The following FAM114A1 variants were observed in gnomAD, a reference collection of about 807,000 sequenced individuals.
The protein encoded by FAM114A1 is protein NOXP20.
A neutral mutation model predicts 64.3 loss-of-function variants in FAM114A1; 62 were observed. The observed-to-expected ratio is 0.96, with a 90% CI of 0.79 to 1.19. FAM114A1 has a LOEUF of 1.19. FAM114A1 is among the 50% of genes most tolerant of loss of function. The pLI is 0.00. For synonymous variants in FAM114A1, 254 were observed against 251.1 expected, an observed-to-expected ratio of 1.01 and a Z score of -0.11; for missense variants, 645 against 676.3, an observed-to-expected ratio of 0.95 and a Z score of 0.51.
intron 6 of FAM114A1, among the ~76,000 whole-genome samples, chr4:38,907,752 C>A (rs1042677757): frequency 2.6e-5 from 4 of 151,794 alleles, no homozygotes; most frequent in Non-Finnish European, 5.9e-5. Context: ...TAATAAAATA[C>A]AATTTATATC....
chr4:38,926,202 C>G (rs916224696), intron 9 of FAM114A1, among the ~76,000 whole-genome samples: 3 of 152,218 alleles, frequency 2.0e-5, no homozygotes, highest in Non-Finnish European at 4.4e-5. Flanking sequence ...ACAGAACTAC[C>G]AGATGCAGGA....
At chr4:38,879,132 A>G (rs1285429864) in intron 3 of FAM114A1, among the ~76,000 whole-genome samples, 1 of 152,106 alleles carries the variant, frequency 6.6e-6, no homozygotes, top group African/African-American at 2.4e-5. Flanking sequence ...TTTCACCTCC[A>G]GCCATGTGGG....
At chr4:38,869,063 A>G (rs1482115042) in intron 2 of FAM114A1, among the ~76,000 whole-genome samples, 1 of 152,246 alleles carries the variant, frequency 6.6e-6, no homozygotes, top group Non-Finnish European at 1.5e-5. Context: ...GACCAGGCTT[A>G]CATCAAACAT....
chr4:38,905,090 C>T (rs1207724548), intron 4 of FAM114A1, among the ~76,000 whole-genome samples: 1 of 152,110 alleles, frequency 6.6e-6, no homozygotes, highest in African/African-American at 2.4e-5. Context: ...ATTCCTCTTT[C>T]TTTCAATCAG....
chr4:38,900,357 A>C (rs1579335094), intron 4 of FAM114A1, among the ~76,000 whole-genome samples: 2 of 152,104 alleles, frequency 1.3e-5, no homozygotes, highest in Non-Finnish European at 2.9e-5. Context: ...AAAACTAAAA[A>C]CAGAATTACC....
At chr4:38,935,593 G>C in intron 12 of FAM114A1, 125 bp from the exon 13 acceptor site, 1 of 603,668 alleles carries the variant, frequency 1.7e-6, no homozygotes. Flanking sequence ...TTTCTGTAGA[G>C]CATCTTCAAG....
At chr4:38,912,747 A>G (rs1718679106) in intron 7 of FAM114A1, among the ~76,000 whole-genome samples, 2 of 152,110 alleles carry the variant, frequency 1.3e-5, no homozygotes, top group African/African-American at 2.4e-5. Flanking sequence ...CTTCAATTTC[A>G]TCCCTTCTTT....
At chr4:38,873,709 G>A (rs536841273) in intron 2 of FAM114A1, among the ~76,000 whole-genome samples, 1 of 152,320 alleles carries the variant, frequency 6.6e-6, no homozygotes, top group South Asian at 2.1e-4. Context: ...GCCCCCGAGG[G>A]TCTCTTGTGG....
chr4:38,893,703 C>A (rs1046896093), intron 4 of FAM114A1, among the ~76,000 whole-genome samples: 48 of 152,224 alleles, frequency 3.2e-4, no homozygotes, highest in Admixed American at 1.2e-3. Context: ...CATGAACTGA[C>A]AGCTCTCCCA....
At position 38,880,611 on chromosome 4, in the gene FAM114A1, T is replaced by A. The variant is rs534324370; in HGVS notation, c.348+2185T>A. 5.9e-5 allele frequency among the ~76,000 whole-genome samples: 9 copies of A among 152,260 alleles called. No individual in the cohort carries two copies. In the East Asian group the frequency reaches 1.7e-3, roughly 29 times the overall value. On this transcript the variant is annotated intron_variant, in intron 3 of 14. Coordinates refer to ENST00000358869, the MANE Select transcript of FAM114A1 (RefSeq NM_138389.4). ...GTCAAGAATCAGCCCAAATAGGAAATGGCAGAGTGAGGATTTGAACAGAGT... is the reference window on the plus strand; with the variant it reads ...GTCAAGAATCAGCCCAAATAGGAAAAGGCAGAGTGAGGATTTGAACAGAGT...
intron 12 of FAM114A1, among the ~76,000 whole-genome samples, chr4:38,933,830 C>T (rs1173882047): frequency 6.6e-6 from 1 of 152,190 alleles, no homozygotes; most frequent in Non-Finnish European, 1.5e-5. Context: ...TCAGCACACT[C>T]AATTTGCTAG....
intron 11 of FAM114A1, among the ~76,000 whole-genome samples, chr4:38,931,948 C>T (rs891821343): frequency 5.3e-5 from 8 of 152,150 alleles, no homozygotes; most frequent in Non-Finnish European, 8.8e-5. Flanking sequence ...TTCATTCAGC[C>T]GGCCTTCCAC....
intron 13 of FAM114A1, among the ~76,000 whole-genome samples, chr4:38,939,886 C>CTTTTTTTTTT (rs545845095): frequency 3.8e-5 from 5 of 131,660 alleles, no homozygotes; most frequent in African/African-American, 8.7e-5. Context: ...CACTTTCTTT[C>CTTTTTTTTTT]TTTTTTTTTT....
Position 38,932,280 on chromosome 4 carries a change from C to T in FAM114A1, c.1369C>T (p.Arg457Cys), listed in dbSNP as rs61733417. The change falls in exon 12 of 15, where the codon CGC becomes TGC. Residue 457 changes from arginine to cysteine, a missense_variant. Coordinates refer to ENST00000358869, the MANE Select transcript of FAM114A1 (RefSeq NM_138389.4). ...SIESLAEVTA[R>C]CIEQLHKVAE... ...TGAAAGTCTGGCGGAGGTAACAGCGCGCTGTATTGAGCAGCTTCATAAAGT... is the reference window on the plus strand; with the variant it reads ...TGAAAGTCTGGCGGAGGTAACAGCGTGCTGTATTGAGCAGCTTCATAAAGT... The T allele has an allele frequency of 8.2e-5, 132 of 1,613,334 alleles. No individual in the cohort carries two copies. The highest frequency in any genetic ancestry group is 3.3e-4 in the Middle Eastern group (2 of 6,084).
intron 3 of FAM114A1, among the ~76,000 whole-genome samples, chr4:38,889,672 G>A (rs1425256675): frequency 6.6e-6 from 1 of 152,164 alleles, no homozygotes; most frequent in Admixed American, 6.5e-5. Context: ...AAACAGTAGA[G>A]CCTGGAGTCA....
Position 38,914,966 on chromosome 4 carries a change from C to A in FAM114A1, c.838C>A (p.Gln280Lys). The change falls in exon 8 of 15, where the codon CAG becomes AAG. Residue 280 changes from glutamine (Q) to lysine (K), a missense_variant. Coordinates refer to ENST00000358869, the MANE Select transcript of FAM114A1 (RefSeq NM_138389.4). ...KEKEKQRLAQ[Q>K]LTMERTAHYG... is the part of the protein sequence containing the mutation. ...GAAGGAGAAGCAGAGACTGGCACAG[C>A]AGCTCACGATGGAGAGAACCGCGCA... 6.2e-7 allele frequency: 1 copy of A among 1,614,088 alleles called. No homozygotes were observed. The highest frequency in any genetic ancestry group is 8.5e-7 in the Non-Finnish European group (1 of 1,180,000).
chr4:38,926,005 C>T (rs1273963735), intron 9 of FAM114A1, among the ~76,000 whole-genome samples: 3 of 152,146 alleles, frequency 2.0e-5, no homozygotes, highest in African/African-American at 7.2e-5. Context: ...TTTTAATCTC[C>T]CTATGTTTGT....
chr4:38,943,050 G>C (rs1721690133), intron 14 of FAM114A1, among the ~76,000 whole-genome samples: 1 of 152,068 alleles, frequency 6.6e-6, no homozygotes, highest in Non-Finnish European at 1.5e-5. Context: ...CAAATTAGCT[G>C]GGCGTGGTGG....
At chr4:38,911,771 A>G (rs2109703959) in intron 7 of FAM114A1, among the ~76,000 whole-genome samples, 1 of 146,554 alleles carries the variant, frequency 6.8e-6, no homozygotes, top group African/African-American at 2.5e-5. Flanking sequence ...CACTACCTAC[A>G]TTTCTCACGT....
Sources: allele counts gnomAD v4.1 joint callset (sites outside exome capture counted in the v4.1 genomes callset), GRCh38; gene constraint gnomAD v4.1.1; transcripts MANE v1.5; gene names NCBI Gene and HGNC (gene_info 2026-07-23, HGNC 2026-07-21).